The following SPATS1 variants were observed in gnomAD, a reference collection of about 807,000 sequenced individuals.
The protein encoded by SPATS1 is spermatogenesis-associated serine-rich protein 1.
A neutral mutation model predicts 33.6 loss-of-function variants in SPATS1; 23 were observed. The ratio of observed to expected loss-of-function variants is 0.68; its 90% confidence interval spans 0.49 to 0.97. SPATS1 has a LOEUF of 0.97. SPATS1 is among the 50% of genes least tolerant of loss of function. The pLI, the probability that SPATS1 is intolerant of heterozygous loss-of-function variation, is 0.00. For missense variants in SPATS1, 327 were observed against 361.0 expected (o/e 0.91, Z 0.76); for synonymous variants, 131 against 125.6 (o/e 1.04, Z -0.29).
intron 6 of SPATS1, among the ~76,000 whole-genome samples, chr6:44,368,771 T>G (rs1332379624): frequency 1.3e-5 from 2 of 152,240 alleles, no homozygotes; most frequent in Non-Finnish European, 2.9e-5. Context: ...ATTTTCATAC[T>G]GAATCAGATT....
intron 4 of SPATS1, 26 bp downstream of exon 4, chr6:44,360,596 G>T: frequency 6.2e-7 from 1 of 1,612,928 alleles, no homozygotes; most frequent in African/African-American, 1.3e-5. Context: ...TCCTCCACAT[G>T]CTTCTGTGCC....
At position 44,379,799 on chromosome 6, in the gene SPATS1, CAAAAAA is replaced by C. The variant is rs1407760103; in HGVS notation, c.*2738_*2743del. Among the ~76,000 whole-genome samples the C allele has an allele frequency of 1.3e-5, 2 of 149,204 alleles. No individual in the cohort carries two copies. Among genetic ancestry groups the C allele is most frequent in the Admixed American group, 1.3e-4 (2 of 14,956 alleles). ...AAACCATGAGTAAAAAAAAAAAACA[CAAAAAA>C]ACAAAAAAACCCTACACAACTGTTA... is the stretch of plus-strand genomic sequence containing the variant. On this transcript the variant is annotated 3_prime_UTR_variant, in exon 9 of 9. Transcript: ENST00000674044.
At chr6:44,376,307 T>C (rs758071653) in intron 7 of SPATS1, 51 bp from the exon 8 acceptor site, 1 of 1,197,250 alleles carries the variant, frequency 8.4e-7, no homozygotes, top group Admixed American at 1.9e-5. Context: ...CTGTTGGTGT[T>C]TGTAAATTTT....
At chr6:44,360,880 T>A (rs1300851949) in intron 4 of SPATS1, among the ~76,000 whole-genome samples, 2 of 152,218 alleles carry the variant, frequency 1.3e-5, no homozygotes, top group Admixed American at 1.3e-4. Context: ...AGAGTCGATA[T>A]ATATTTTTCC....
At chr6:44,369,719 A>G (rs2153369527) in intron 6 of SPATS1, among the ~76,000 whole-genome samples, 1 of 151,924 alleles carries the variant, frequency 6.6e-6, no homozygotes, top group Admixed American at 6.6e-5. Flanking sequence ...AAAAATACAA[A>G]AAATTAGCTG....
chr6:44,357,711 C>T (rs1446353471), intron 3 of SPATS1, among the ~76,000 whole-genome samples: 2 of 152,174 alleles, frequency 1.3e-5, no homozygotes, highest in African/African-American at 4.8e-5. Context: ...AACATTTTAA[C>T]ACAAGATCTT....
At position 44,342,655 on chromosome 6, in the gene SPATS1, G is replaced by A. The variant is rs1351134596; in HGVS notation, c.-114G>A. On this transcript the variant is annotated 5_prime_UTR_variant, in exon 1 of 9. Transcript: ENST00000674044. ...GCCGGTGTCCCGGCAACCCCGGAAC[G>A]CGCCTCTGTGGGAGAAGCAGGCGGC... The A allele has an allele frequency of 4.2e-5, 19 of 456,250 alleles. No individual in the cohort carries two copies. Among genetic ancestry groups the A allele is most frequent in the Admixed American group, 3.5e-4 (15 of 42,564 alleles). 28.3% of individuals were successfully genotyped at this position (456,250 alleles called of 1,614,324 possible). A position where few individuals can be genotyped will look rare whatever the true frequency, so the allele number is the denominator to read the frequency against.
intron 2 of SPATS1, among the ~76,000 whole-genome samples, chr6:44,346,339 T>A (rs1163730262): frequency 6.6e-6 from 1 of 151,880 alleles, no homozygotes; most frequent in Non-Finnish European, 1.5e-5. Flanking sequence ...ATTATTAGGA[T>A]GGATGAAATT....
chr6:44,358,199 T>C (rs1788704171), intron 3 of SPATS1, among the ~76,000 whole-genome samples: 1 of 152,144 alleles, frequency 6.6e-6, no homozygotes, highest in Non-Finnish European at 1.5e-5. Context: ...AGACAAGCAA[T>C]ATGAAGTTGC....
At chr6:44,364,272 A>C (rs73439575) in intron 5 of SPATS1, among the ~76,000 whole-genome samples, 2,918 of 152,338 alleles carry the variant, frequency 0.019, 90 homozygotes, top group African/African-American at 0.066. Flanking sequence ...TCAGTGTCCA[A>C]ATATCCCATT....
At chr6:44,361,575 A>G in intron 4 of SPATS1, 1 of 976,712 alleles carries the variant, frequency 1.0e-6, no homozygotes, top group Non-Finnish European at 1.2e-6. Flanking sequence ...AGTTGGCTTT[A>G]TTTTTGAAGG....
At chr6:44,353,262 TAAAG>T (rs949753610) in intron 3 of SPATS1, among the ~76,000 whole-genome samples, 1 of 152,188 alleles carries the variant, frequency 6.6e-6, no homozygotes, top group Non-Finnish European at 1.5e-5. Context: ...TGGTAAAACT[TAAAG>T]AAAAGCAAAT....
At chr6:44,362,532 G>A (rs1469628380) in intron 5 of SPATS1, among the ~76,000 whole-genome samples, 5 of 152,078 alleles carry the variant, frequency 3.3e-5, no homozygotes, top group Admixed American at 6.5e-5. Flanking sequence ...TAGACTTACC[G>A]AAAGACCCTC....
chr6:44,351,036 A>G (rs1355833285), intron 2 of SPATS1, among the ~76,000 whole-genome samples: 1 of 150,728 alleles, frequency 6.6e-6, no homozygotes, highest in Non-Finnish European at 1.5e-5. Context: ...AGGCAGGAGA[A>G]TCACCTGAAC....
rs183635618 is a variant in SPATS1, at chr6:44,379,808, A to T, written c.*2745A>T. ...GTAAAAAAAAAAAACACAAAAAAAC[A>T]AAAAAACCCTACACAACTGTTAGAT... On this transcript the variant is annotated 3_prime_UTR_variant, in exon 9 of 9. Coordinates refer to ENST00000674044, the MANE Select transcript of SPATS1 (RefSeq NM_001372081.1). Among the ~76,000 whole-genome samples, 1 of 151,324 alleles carries T rather than the reference A, an allele frequency of 6.6e-6. No individual in the cohort carries two copies.
At chr6:44,362,470 A>G (rs1328536635) in intron 5 of SPATS1, among the ~76,000 whole-genome samples, 3 of 152,166 alleles carry the variant, frequency 2.0e-5, no homozygotes, top group East Asian at 1.9e-4. Flanking sequence ...CTGTGTATCT[A>G]TATCTCCTTG....
intron 5 of SPATS1, among the ~76,000 whole-genome samples, chr6:44,362,901 C>T (rs575607850): frequency 5.3e-5 from 8 of 151,658 alleles, no homozygotes; most frequent in South Asian, 2.1e-4. Flanking sequence ...TGCAATGGCG[C>T]GATCTTGGCT....
At chr6:44,345,222 T>C (rs1257652686) in intron 2 of SPATS1, among the ~76,000 whole-genome samples, 1 of 152,014 alleles carries the variant, frequency 6.6e-6, no homozygotes, top group Non-Finnish European at 1.5e-5. Flanking sequence ...CCAGCTCAAG[T>C]TTGAGGTTGA....
In SPATS1 at chr6:44,377,382, T is replaced by A. The variant is rs557705790; in HGVS notation, c.*319T>A. On this transcript the variant is annotated 3_prime_UTR_variant, in exon 9 of 9. Coordinates refer to ENST00000674044, the MANE Select transcript of SPATS1 (RefSeq NM_001372081.1). ...GTGAGTGGCAGATATTGTAACCCTT[T>A]ACACCTGTATACCTACATACCTCAG... 2.5e-5 allele frequency: 10 copies of A among 407,820 alleles called. No homozygotes were observed. In the East Asian group the frequency reaches 4.8e-4, roughly 19 times the overall value. The allele number at this position is 407,820 out of a possible 1,614,324, so 25.3% of individuals were successfully genotyped here.
Sources: allele counts gnomAD v4.1 joint callset (sites outside exome capture counted in the v4.1 genomes callset), GRCh38; gene constraint gnomAD v4.1.1; transcripts MANE v1.5; gene names NCBI Gene and HGNC (gene_info 2026-07-23, HGNC 2026-07-21).